Variants in ALX4 observed in about 807,000 individuals in gnomAD.
ALX4 encodes ALX homeobox 4, also known as homeobox protein aristaless-like 4.
Under a neutral mutation model 40.6 loss-of-function variants are expected in ALX4, and 22 were observed. The observed-to-expected ratio is 0.54, with a 90% confidence interval of 0.39 to 0.77. The LOEUF (loss-of-function observed/expected upper bound fraction) is 0.77, where lower values mean the gene tolerates loss of function less well. Among genes scored for constraint, ALX4 ranks in the 30% least tolerant of loss-of-function variants. ALX4 has a pLI of 0.00. For missense variants in ALX4, 556 were observed against 564.8 expected (o/e 0.98, Z 0.16); for synonymous variants, 266 against 240.5 (o/e 1.11, Z -0.98).
intron 2 of ALX4, among the ~76,000 whole-genome samples, chr11:44,268,223 G>A (rs894784768): frequency 1.3e-5 from 2 of 152,200 alleles, no homozygotes; most frequent in Non-Finnish European, 2.9e-5. Flanking sequence ...CCTGGAGGAG[G>A]GACAGGAGCT....
intron 1 of ALX4, among the ~76,000 whole-genome samples, chr11:44,287,321 C>T (rs1956344587): frequency 6.6e-6 from 1 of 151,882 alleles, no homozygotes; most frequent in African/African-American, 2.4e-5. Context: ...CTAAACAAAA[C>T]CAGGAACTGG....
At position 44,309,806 on chromosome 11, in the gene ALX4, G is replaced by T. The variant is rs1295821461; in HGVS notation, c.257C>A (p.Ser86Tyr). Residue 86 changes from serine to tyrosine, a missense_variant, in exon 1 of 4, where the codon TCC (serine) becomes TAC (tyrosine). Coordinates refer to ENST00000652299, the MANE Select transcript of ALX4 (RefSeq NM_021926.4). ...PLESGAGARGSFNKFQPQPST... is the reference protein window; with the variant it reads ...PLESGAGARGYFNKFQPQPST... The stretch of plus-strand genomic sequence containing the variant: ...CGGCTGGGGCTGGAACTTGTTAAAG[G>T]AGCCCCGCGCCCCAGCTCCACTCTC... 6.4e-7 allele frequency: 1 copy of T among 1,551,256 alleles called. No individual in the cohort carries two copies.
intron 3 of ALX4, 40 bp downstream of exon 3, chr11:44,267,454 G>A: frequency 1.9e-6 from 3 of 1,611,364 alleles, no homozygotes; most frequent in Non-Finnish European, 2.5e-6. Flanking sequence ...AGAGCACCAG[G>A]GGCTGGGGAT....
intron 2 of ALX4, among the ~76,000 whole-genome samples, chr11:44,274,096 T>C (rs1406412007): frequency 6.6e-6 from 1 of 152,158 alleles, no homozygotes; most frequent in Non-Finnish European, 1.5e-5. Flanking sequence ...GCTATAATCA[T>C]CTTATTGCAC....
chr11:44,277,659 C>T (rs943583454), intron 1 of ALX4, among the ~76,000 whole-genome samples: 4 of 152,212 alleles, frequency 2.6e-5, no homozygotes, highest in East Asian at 1.9e-4. Flanking sequence ...GCTTCAGACT[C>T]GTCTCATTCC....
At chr11:44,268,833 G>A (rs1956228494) in intron 2 of ALX4, among the ~76,000 whole-genome samples, 1 of 152,186 alleles carries the variant, frequency 6.6e-6, no homozygotes, top group Non-Finnish European at 1.5e-5. Flanking sequence ...ATGTGCACTT[G>A]TCTGCTGGCT....
Position 44,293,170 on chromosome 11 carries a change from A to AGGAAGGAAGGAAGGAG in ALX4, c.466+16426_466+16427insCTCCTTCCTTCCTTCC, listed in dbSNP as rs1211281368. On this transcript the variant is annotated intron_variant, in intron 1 of 3. Transcript: ENST00000652299. ...AAGGAAGGAAGGAAGGAAGGAAGGAAGCAGGCAGGCAGGGAGGGAGGGAGG... is the reference window on the plus strand; with the variant it reads ...AAGGAAGGAAGGAAGGAAGGAAGGAAGGAAGGAAGGAAGGAGGCAGGCAGGCAGGGAGGGAGGGAGG... Among the ~76,000 whole-genome samples, 6 of 20,600 alleles carry AGGAAGGAAGGAAGGAG rather than the reference A, an allele frequency of 2.9e-4. 1 individual carries two copies. The highest frequency in any genetic ancestry group is 6.5e-4 in the Admixed American group (1 of 1,532). The allele number at this position is 20,600 out of a possible 152,430, so 13.5% of individuals were successfully genotyped here. A position where few individuals can be genotyped will look rare whatever the true frequency, so the allele number is the denominator to read the frequency against.
At chr11:44,301,063 G>GA (rs1477417065) in intron 1 of ALX4, among the ~76,000 whole-genome samples, 4 of 152,250 alleles carry the variant, frequency 2.6e-5, no homozygotes, top group African/African-American at 4.8e-5. Context: ...CTCTGGACCT[G>GA]AAGGCAGGGG....
intron 1 of ALX4, among the ~76,000 whole-genome samples, chr11:44,286,777 C>T (rs902223839): frequency 2.6e-5 from 4 of 152,140 alleles, no homozygotes; most frequent in Non-Finnish European, 5.9e-5. Context: ...TCAGAATTCC[C>T]ACACTGTGGC....
intron 2 of ALX4, among the ~76,000 whole-genome samples, chr11:44,268,708 C>T (rs942407807): frequency 5.3e-5 from 8 of 152,048 alleles, no homozygotes; most frequent in African/African-American, 7.2e-5. Context: ...GTGATGGGGA[C>T]GGGGTGGGTG....
chr11:44,278,275 G>A (rs1332420042), intron 1 of ALX4, among the ~76,000 whole-genome samples: 2 of 152,180 alleles, frequency 1.3e-5, no homozygotes, highest in African/African-American at 2.4e-5. Context: ...GGGAAACTGA[G>A]GCCAGAGAGA....
intron 1 of ALX4, among the ~76,000 whole-genome samples, chr11:44,288,444 T>C (rs1956351524): frequency 6.6e-6 from 1 of 152,208 alleles, no homozygotes; most frequent in Non-Finnish European, 1.5e-5. Flanking sequence ...TGTGGACTAA[T>C]GGAAAGAAGG....
In ALX4 at chr11:44,310,138, T is replaced by C. The variant is rs1956500465; in HGVS notation, c.-76A>G. Reference sequence around the variant, plus strand: ...GCCACCGCGCGCCTTGGCTGGGAGTTTGGGGAGGCGAGGAGGCTGTGGCTG... The same window carrying C: ...GCCACCGCGCGCCTTGGCTGGGAGTCTGGGGAGGCGAGGAGGCTGTGGCTG... On this transcript the variant is annotated 5_prime_UTR_variant, in exon 1 of 4. Transcript: ENST00000652299. 8 of 1,500,306 alleles carry C rather than the reference T, an allele frequency of 5.3e-6. No homozygotes were observed. The highest frequency in any genetic ancestry group is 4.2e-5 in the African/African-American group (3 of 72,104). The allele number at this position is 1,500,306 out of a possible 1,614,324, so 92.9% of individuals were successfully genotyped here.
At chr11:44,278,086 G>A (rs937649593) in intron 1 of ALX4, among the ~76,000 whole-genome samples, 2 of 150,382 alleles carry the variant, frequency 1.3e-5, no homozygotes, top group Non-Finnish European at 2.9e-5. Context: ...CTTCCTGGAA[G>A]CCAGATGAGG....
intron 1 of ALX4, among the ~76,000 whole-genome samples, chr11:44,300,764 A>C (rs1956430171): frequency 6.6e-6 from 1 of 152,222 alleles, no homozygotes; most frequent in Admixed American, 6.5e-5. Context: ...TTTCCATAGA[A>C]AAACCAAGAG....
chr11:44,271,980 C>T (rs566561678), intron 2 of ALX4, among the ~76,000 whole-genome samples: 21 of 152,336 alleles, frequency 1.4e-4, no homozygotes, highest in African/African-American at 4.1e-4. Flanking sequence ...TGTCCCATAA[C>T]CAGCTATGCC....
intron 2 of ALX4, among the ~76,000 whole-genome samples, chr11:44,273,631 G>T (rs564789761): frequency 6.6e-6 from 1 of 152,132 alleles, no homozygotes; most frequent in Non-Finnish European, 1.5e-5. Flanking sequence ...GTAAAATAAC[G>T]TAAGCCAGTC....
chr11:44,298,060 C>T (rs1292717484), intron 1 of ALX4, among the ~76,000 whole-genome samples: 2 of 152,184 alleles, frequency 1.3e-5, no homozygotes, highest in African/African-American at 2.4e-5. Context: ...CATTCACTGC[C>T]AAACACTCTG....
At chr11:44,270,223 T>C (rs560074519) in intron 2 of ALX4, among the ~76,000 whole-genome samples, 1 of 152,078 alleles carries the variant, frequency 6.6e-6, no homozygotes, top group East Asian at 1.9e-4. Flanking sequence ...ATGTGGGTTA[T>C]CTGGGGAAGA....
Sources: gnomAD v4.1 joint callset for allele counts (sites outside exome capture counted in the v4.1 genomes callset) on GRCh38, gnomAD v4.1.1 for gene constraint, MANE v1.5 for transcripts, NCBI Gene and HGNC (gene_info 2026-07-23, HGNC 2026-07-21) for gene names.